PPP4R3B: variants seen among roughly 807,000 people sequenced by gnomAD.
PPP4R3B encodes serine/threonine-protein phosphatase 4 regulatory subunit 3B.
In PPP4R3B, 52 loss-of-function variants were observed where a neutral mutation model predicts 95.4. The observed-to-expected ratio is 0.54, with a 90% CI of 0.44 to 0.69. PPP4R3B has a LOEUF of 0.69. Ranked by LOEUF, PPP4R3B falls within the 30% of genes least tolerant of loss-of-function variation. PPP4R3B has a pLI of 0.00. For missense variants in PPP4R3B, 1,003 were observed against 1,005.9 expected (o/e 1.00, Z 0.04); for synonymous variants, 407 against 343.9 (o/e 1.18, Z -2.03).
chr2:55,555,735 G>C (rs1685768511), intron 16 of PPP4R3B, among the ~76,000 whole-genome samples: 1 of 152,166 alleles, frequency 6.6e-6, no homozygotes, highest in African/African-American at 2.4e-5. Context: ...CACATTGATA[G>C]GGGCTAATTA....
At chr2:55,560,704 G>A (rs1269844384) in intron 15 of PPP4R3B, among the ~76,000 whole-genome samples, 2 of 145,668 alleles carry the variant, frequency 1.4e-5, no homozygotes, top group African/African-American at 5.1e-5. Flanking sequence ...TTGAACCTGG[G>A]AGGCAGAGGT....
chr2:55,554,190 G>A (rs1208640521), intron 16 of PPP4R3B, among the ~76,000 whole-genome samples: 1 of 152,078 alleles, frequency 6.6e-6, no homozygotes, highest in South Asian at 2.1e-4. Flanking sequence ...TCAGCCTCCC[G>A]AATAGCTGGG....
intron 11 of PPP4R3B, among the ~76,000 whole-genome samples, chr2:55,575,627 G>A (rs566455808): frequency 6.0e-4 from 91 of 151,808 alleles, no homozygotes; most frequent in African/African-American, 1.3e-3. Flanking sequence ...TTGTAGAGAC[G>A]AGGTCTCACT....
intron 4 of PPP4R3B, among the ~76,000 whole-genome samples, chr2:55,597,266 C>T (rs1440463262): frequency 2.0e-5 from 3 of 152,086 alleles, no homozygotes; most frequent in Non-Finnish European, 1.5e-5. Flanking sequence ...GCAGGTGGAT[C>T]ACCTCAGGTT....
chr2:55,558,638 C>A, intron 16 of PPP4R3B, 137 bp downstream of exon 16: 4 of 634,838 alleles, frequency 6.3e-6, no homozygotes, highest in Non-Finnish European at 8.1e-6. Flanking sequence ...TAAAATTCTA[C>A]AATCAACATT....
intron 12 of PPP4R3B, among the ~76,000 whole-genome samples, chr2:55,572,205 G>A (rs1688099335): frequency 1.4e-5 from 2 of 139,298 alleles, no homozygotes; most frequent in Admixed American, 1.5e-4. Flanking sequence ...GAGAATATCT[G>A]CATAATCTTA....
At chr2:55,554,694 T>C (rs569836697) in intron 16 of PPP4R3B, among the ~76,000 whole-genome samples, 33 of 152,340 alleles carry the variant, frequency 2.2e-4, no homozygotes, top group African/African-American at 4.6e-4. Context: ...ATTTTGTGGA[T>C]TGTCTTTTCA....
rs1427905944 is a variant in PPP4R3B, at chr2:55,548,083, G to A, written c.*1828C>T. ...ATATCCTGAGTCACCTGCCTTATGA[G>A]GTGGAAGGTCTTTCTTTCTTACTAT... On this transcript the variant is annotated 3_prime_UTR_variant, in exon 17 of 17. Transcript: ENST00000616407. 6.6e-6 allele frequency: 1 copy of A among 152,150 alleles called. No individual in the cohort carries two copies. The highest frequency in any genetic ancestry group is 1.5e-5 in the Non-Finnish European group (1 of 68,042). The allele number at this position is 152,150 out of a possible 1,614,324, so 9.4% of individuals were successfully genotyped here. A position where few individuals can be genotyped will look rare whatever the true frequency, so the allele number is the denominator to read the frequency against.
At chr2:55,580,616 C>G (rs1427835483) in intron 8 of PPP4R3B, among the ~76,000 whole-genome samples, 2 of 152,096 alleles carry the variant, frequency 1.3e-5, no homozygotes, top group East Asian at 1.9e-4. Context: ...GATGAAAAGA[C>G]AAAATTTAAA....
intron 16 of PPP4R3B, among the ~76,000 whole-genome samples, chr2:55,553,185 G>T (rs1329801763): frequency 1.3e-5 from 2 of 152,096 alleles, no homozygotes; most frequent in Non-Finnish European, 2.9e-5. Context: ...CAAAGTAAAG[G>T]GCATGGGTAA....
intron 2 of PPP4R3B, among the ~76,000 whole-genome samples, chr2:55,609,690 AC>A (rs1210189663): frequency 8.6e-5 from 13 of 151,896 alleles, no homozygotes; most frequent in African/African-American, 3.1e-4. Context: ...AACAAAAAAA[AC>A]AAAAAAACTC....
chr2:55,598,482 C>T lies in PPP4R3B; in HGVS notation c.855G>A (p.Glu285=). 2 of 1,614,092 alleles carry T rather than the reference C, an allele frequency of 1.2e-6. No individual in the cohort carries two copies. The highest frequency in any genetic ancestry group is 2.2e-5 in the South Asian group (2 of 91,076). The change falls in exon 4 of 17, where the codon GAG becomes GAA. Residue 285 remains glutamate (E), a synonymous_variant. Coordinates refer to ENST00000616407, the MANE Select transcript of PPP4R3B (RefSeq NM_001122964.3). ...AAGACGTAAGAGTAGAAAGAAAATT[C>T]TCTTCAAAAACAGATGGTGTGGGCA... The part of the protein sequence containing the change: ...IILPTPSVFE[E]NFLSTLTSFI...
intron 1 of PPP4R3B, among the ~76,000 whole-genome samples, chr2:55,616,786 G>A (rs995992836): frequency 6.6e-6 from 1 of 151,964 alleles, no homozygotes; most frequent in Non-Finnish European, 1.5e-5. Flanking sequence ...TGTACTAGAC[G>A]TATAATGGAT....
intron 7 of PPP4R3B, 133 bp from the exon 8 acceptor site, chr2:55,581,831 A>C: frequency 1.1e-6 from 1 of 936,434 alleles, no homozygotes. Context: ...GCTTATTTAA[A>C]CCTCTATTCC....
At chr2:55,586,498 T>C (rs1384402757) in intron 6 of PPP4R3B, 120 bp downstream of exon 6, 3 of 562,480 alleles carry the variant, frequency 5.3e-6, no homozygotes, top group East Asian at 6.3e-5. Flanking sequence ...ATTCTTGTAA[T>C]TCAATTAAGA....
chr2:55,561,970 C>T (rs1056377968), intron 15 of PPP4R3B, among the ~76,000 whole-genome samples: 2 of 152,016 alleles, frequency 1.3e-5, no homozygotes, highest in Non-Finnish European at 2.9e-5. Context: ...AGGGAGGGAC[C>T]GGGGTGGAAT....
intron 11 of PPP4R3B, among the ~76,000 whole-genome samples, chr2:55,575,992 C>G (rs958467337): frequency 6.6e-6 from 1 of 152,118 alleles, no homozygotes; most frequent in Non-Finnish European, 1.5e-5. Context: ...TCACTTGCTC[C>G]AGACCAATTG....
In PPP4R3B at chr2:55,586,283, G is replaced by A. The variant is rs532106535; in HGVS notation, c.1116+335C>T. ...TCTAAGAACCATGCCCTAACCCTGTGTTGCAGCATGAATCCCCTTGTTCCA... is the reference window on the plus strand; with the variant it reads ...TCTAAGAACCATGCCCTAACCCTGTATTGCAGCATGAATCCCCTTGTTCCA... On this transcript the variant is annotated intron_variant, in intron 6 of 16. Coordinates refer to ENST00000616407, the MANE Select transcript of PPP4R3B (RefSeq NM_001122964.3). Among the ~76,000 whole-genome samples, 6 of 152,246 alleles carry A rather than the reference G, an allele frequency of 3.9e-5. No homozygotes were observed. The South Asian group carries it at 1.0e-3, about 26-fold the overall frequency.
chr2:55,564,071 T>C (rs1686972249), intron 15 of PPP4R3B, among the ~76,000 whole-genome samples: 1 of 152,174 alleles, frequency 6.6e-6, no homozygotes, highest in South Asian at 2.1e-4. Context: ...AGTAGATAAT[T>C]CAATTTCTAA....
Sources: allele counts gnomAD v4.1 joint callset (sites outside exome capture counted in the v4.1 genomes callset), GRCh38; gene constraint gnomAD v4.1.1; transcripts MANE v1.5; gene names NCBI Gene and HGNC (gene_info 2026-07-23, HGNC 2026-07-21).